Variants in KIF1B observed in about 807,000 individuals in gnomAD.
The protein encoded by KIF1B is kinesin-like protein KIF1B.
In KIF1B, 76 loss-of-function variants were observed where a neutral mutation model predicts 241.9. The observed-to-expected ratio is 0.31, with a 90% CI of 0.26 to 0.38. The LOEUF (loss-of-function observed/expected upper bound fraction) is 0.38, where lower values mean the gene tolerates loss of function less well. KIF1B is among the 10% of genes least tolerant of loss of function. KIF1B has a pLI of 1.00. For synonymous variants in KIF1B, 750 were observed against 796.7 expected, an observed-to-expected ratio of 0.94 and a Z score of 0.99; for missense variants, 1,622 against 2,271.4, an observed-to-expected ratio of 0.71 and a Z score of 5.81.
chr1:10,374,271 T>C lies in KIF1B; in HGVS notation c.4947-45T>C, dbSNP rs1451826096. 1 of 1,594,812 alleles carries C rather than the reference T, an allele frequency of 6.3e-7. No individual in the cohort carries two copies. The highest frequency in any genetic ancestry group is 1.3e-5 in the African/African-American group (1 of 74,556). Reference sequence around the variant, plus strand: ...GTACTCAGTATGCCTTGATTGTAACTGATTCTCTTGTTACCCTTTTCTTTC... The same window carrying C: ...GTACTCAGTATGCCTTGATTGTAACCGATTCTCTTGTTACCCTTTTCTTTC... On this transcript the variant is annotated intron_variant, in intron 45 of 48. Transcript: ENST00000676179. The surrounding 1 kb of genome is among the most constrained non-coding windows in gnomAD (Gnocchi z 4.3).
intron 44 of KIF1B, among the ~76,000 whole-genome samples, 169 bp downstream of exon 44, chr1:10,368,707 A>G (rs1638642528): frequency 6.6e-6 from 1 of 152,216 alleles, no homozygotes; most frequent in South Asian, 2.1e-4. Context: ...CTAATTTTTC[A>G]GAGTCCGAAC....
Position 10,337,570 on chromosome 1 carries a change from C to G in KIF1B, c.3422+37C>G. 6.2e-7 allele frequency: 1 copy of G among 1,612,094 alleles called. No homozygotes were observed. The highest frequency in any genetic ancestry group is 8.5e-7 in the Non-Finnish European group (1 of 1,178,138). ...CTTTGCTCTGCCTCCCAGCTAGCTG[C>G]TAACCGAGGTGACATCTCTTGTGCA... On this transcript the variant is annotated intron_variant, in intron 31 of 48. Coordinates refer to ENST00000676179, the MANE Select transcript of KIF1B (RefSeq NM_001365951.3). The surrounding 1 kb of genome is among the most constrained non-coding windows in gnomAD (Gnocchi z 4.0).
At chr1:10,274,592 T>G (rs1443824461) in intron 10 of KIF1B, among the ~76,000 whole-genome samples, 1 of 152,192 alleles carries the variant, frequency 6.6e-6, no homozygotes, top group Non-Finnish European at 1.5e-5. Flanking sequence ...GTTACTAGAT[T>G]TGCAACAACC....
At chr1:10,369,543 G>A (rs767421868) in intron 44 of KIF1B, among the ~76,000 whole-genome samples, 2 of 152,266 alleles carry the variant, frequency 1.3e-5, no homozygotes, top group Non-Finnish European at 2.9e-5. Flanking sequence ...GGCCAAGGCA[G>A]GATTGCCTGA....
intron 40 of KIF1B, among the ~76,000 whole-genome samples, chr1:10,363,043 G>A (rs1033902036): frequency 6.6e-6 from 1 of 152,166 alleles, no homozygotes; most frequent in Non-Finnish European, 1.5e-5. Flanking sequence ...CTGCACTCCA[G>A]CCTGGGTGAC....
intron 15 of KIF1B, among the ~76,000 whole-genome samples, chr1:10,288,480 C>T (rs1038628633): frequency 1.3e-5 from 2 of 152,072 alleles, no homozygotes; most frequent in East Asian, 3.9e-4. Flanking sequence ...CTGTTTTAGC[C>T]TTTGAGCCTC....
In KIF1B at chr1:10,273,025, T is replaced by C; in HGVS notation, c.876T>C (p.Thr292=). The C allele has an allele frequency of 1.3e-6, 2 of 1,546,566 alleles. No homozygotes were observed. Among genetic ancestry groups the C allele is most frequent in the Non-Finnish European group, 1.7e-6 (2 of 1,143,530 alleles). The change falls in exon 10 of 49, where the codon ACT becomes ACC. Residue 292 remains threonine, a synonymous_variant. Transcript: ENST00000676179. ...ISALAEVDNC[T]SKSKKKKKTD... ...GCTTTCACCTGTAGGATAACTGCAC[T>C]AGCAAGGTACAGTGGGGATTGGTAG... is the stretch of plus-strand genomic sequence containing the variant.
rs201474903 is a variant in KIF1B, at chr1:10,282,463, C to A, written c.1364C>A (p.Thr455Lys). Residue 455 changes from threonine to lysine, a missense_variant, in exon 15 of 49, where the codon ACG (threonine) becomes AAG (lysine). Thr to Lys is a moderately conservative substitution (Grantham distance 78). This residue lies in a region of KIF1B where 201 missense variants were observed against 301.2 expected (regional missense o/e 0.67). Transcript: ENST00000676179. ...SCSLSSQVGL[T>K]SVTSIQERIM... The stretch of plus-strand genomic sequence containing the variant: ...TCACTCAGTAGTCAGGTGGGCTTGA[C>A]GTCTGTGACCAGTATTCAAGAGAGG... 8.7e-6 allele frequency: 14 copies of A among 1,614,128 alleles called. No individual in the cohort carries two copies. The highest frequency in any genetic ancestry group is 2.2e-5 in the East Asian group (1 of 44,874).
chr1:10,259,153 C>CT (rs572251659), intron 4 of KIF1B, among the ~76,000 whole-genome samples: 15,357 of 131,778 alleles, frequency 0.12, 973 homozygotes, highest in South Asian at 0.2. Flanking sequence ...GATTCTCCCT[C>CT]TTTTTTTTTT....
In KIF1B at chr1:10,296,726, A is replaced by G. The variant is rs187464646; in HGVS notation, c.1861+61A>G. ...TGCACATGGCTTCTGTGACAACTCTAATTTTTGGCTGTTTAAAGGCTGAAG... is the reference window on the plus strand; with the variant it reads ...TGCACATGGCTTCTGTGACAACTCTGATTTTTGGCTGTTTAAAGGCTGAAG... On this transcript the variant is annotated intron_variant, in intron 20 of 48. Coordinates refer to ENST00000676179, the MANE Select transcript of KIF1B (RefSeq NM_001365951.3). The G allele has an allele frequency of 4.6e-4, 696 of 1,516,780 alleles. 3 individuals carry two copies. In the East Asian group the frequency reaches 6.8e-3, roughly 15 times the overall value. 94.0% of individuals were successfully genotyped at this position (1,516,780 alleles called of 1,614,324 possible). A position where few individuals can be genotyped will look rare whatever the true frequency, so the allele number is the denominator to read the frequency against.
At chr1:10,299,070 T>TA (rs34431527) in intron 22 of KIF1B, 53,575 of 128,436 alleles carry the variant, frequency 0.42, 10,570 homozygotes, top group African/African-American at 0.5. Flanking sequence ...GTTCCATATT[T>TA]AAAAAAAAAA....
At chr1:10,252,427 T>G (rs573391546) in intron 2 of KIF1B, among the ~76,000 whole-genome samples, 2 of 152,046 alleles carry the variant, frequency 1.3e-5, no homozygotes, top group East Asian at 3.9e-4. Flanking sequence ...CTGTTGTTAC[T>G]TGAGACAGGG....
chr1:10,254,463 A>C (rs1321486191), intron 2 of KIF1B, among the ~76,000 whole-genome samples: 2 of 152,190 alleles, frequency 1.3e-5, no homozygotes, highest in Non-Finnish European at 2.9e-5. Context: ...ACATTACATA[A>C]ATACACACAC....
Position 10,324,926 on chromosome 1 carries a change from T to G in KIF1B, c.2675+31T>G, listed in dbSNP as rs200068236. 9 of 1,611,980 alleles carry G rather than the reference T, an allele frequency of 5.6e-6. No homozygotes were observed. In the Admixed American group the frequency reaches 1.3e-4, roughly 24 times the overall value. Reference sequence around the variant, plus strand: ...TGATGATTTTGTTGATGTCTTCTTTTAAAATAATGATTAGTTTTAAGTGTT... The same window carrying G: ...TGATGATTTTGTTGATGTCTTCTTTGAAAATAATGATTAGTTTTAAGTGTT... On this transcript the variant is annotated intron_variant, in intron 26 of 48. Transcript: ENST00000676179.
At chr1:10,372,263 A>G (rs1048147993) in intron 45 of KIF1B, among the ~76,000 whole-genome samples, 13 of 152,150 alleles carry the variant, frequency 8.5e-5, no homozygotes, top group East Asian at 1.9e-4. Context: ...GGCTGAGTGC[A>G]GTGGCTCATA....
At chr1:10,253,033 G>T (rs573429147) in intron 2 of KIF1B, among the ~76,000 whole-genome samples, 6 of 152,226 alleles carry the variant, frequency 3.9e-5, no homozygotes, top group South Asian at 4.1e-4. Context: ...CCAATAAAGA[G>T]AATTTTAAAC....
chr1:10,249,970 T>C (rs1647346118), intron 2 of KIF1B, among the ~76,000 whole-genome samples: 3 of 150,560 alleles, frequency 2.0e-5, no homozygotes, highest in African/African-American at 7.3e-5. Context: ...TTTTCTTTTT[T>C]TGTTGTTGCT....
chr1:10,351,073 CA>C (rs35072176), intron 37 of KIF1B, among the ~76,000 whole-genome samples: 2,246 of 104,612 alleles, frequency 0.021, 43 homozygotes, highest in African/African-American at 0.071. Flanking sequence ...AAGACCCTGT[CA>C]AAAAAAAAAA....
intron 43 of KIF1B, among the ~76,000 whole-genome samples, chr1:10,366,069 A>T (rs1638562922): frequency 1.3e-5 from 2 of 151,886 alleles, no homozygotes; most frequent in South Asian, 4.2e-4. Context: ...TGTCTCTACT[A>T]AAAATACAAA....
Sources: allele counts gnomAD v4.1 joint callset (sites outside exome capture counted in the v4.1 genomes callset), GRCh38; gene constraint gnomAD v4.1.1; regional missense constraint gnomAD v4.1.1; non-coding constraint Gnocchi (gnomAD v3.1); transcripts MANE v1.5; gene names NCBI Gene and HGNC (gene_info 2026-07-23, HGNC 2026-07-21).